Variants in EPB41L3 observed in about 807,000 individuals in gnomAD.
EPB41L3 encodes erythrocyte membrane protein band 4.1 like 3.
Under a neutral mutation model 127.1 loss-of-function variants are expected in EPB41L3, and 57 were observed. The observed-to-expected ratio is 0.45, with a 90% CI of 0.36 to 0.56. The LOEUF (loss-of-function observed/expected upper bound fraction) is 0.56. EPB41L3 is among the 20% of genes least tolerant of loss of function. EPB41L3 has a pLI of 0.00. For missense variants in EPB41L3, 1,273 were observed against 1,372.2 expected, an observed-to-expected ratio of 0.93 and a Z score of 1.14; for synonymous variants, 572 against 549.5, an observed-to-expected ratio of 1.04 and a Z score of -0.57.
At chr18:5,415,439 G>A (rs1267400984) in intron 13 of EPB41L3, among the ~76,000 whole-genome samples, 1 of 152,190 alleles carries the variant, frequency 6.6e-6, no homozygotes, top group East Asian at 1.9e-4. Flanking sequence ...CATTTAAGTT[G>A]AAAACTACTC....
chr18:5,503,447 C>G (rs2091908728), intron 1 of EPB41L3, among the ~76,000 whole-genome samples: 1 of 152,180 alleles, frequency 6.6e-6, no homozygotes, highest in African/African-American at 2.4e-5. Context: ...GTTCCACGTC[C>G]ACCAATTCAA....
chr18:5,397,710 T>C lies in EPB41L3; in HGVS notation c.2473-284A>G, dbSNP rs1037890168. ...AATTAACAAAACAAAAACCAAAGCA[T>C]TGCAGCGCATTCACGTTGGTTTTGG... On this transcript the variant is annotated intron_variant, in intron 17 of 22. Transcript: ENST00000341928. This position sits in a 1 kb window ranked among gnomAD's most constrained non-coding sequence, Gnocchi z 4.1. Among the ~76,000 whole-genome samples, 3 of 152,188 alleles carry C rather than the reference T, an allele frequency of 2.0e-5. No individual in the cohort carries two copies. The highest frequency in any genetic ancestry group is 4.4e-5 in the Non-Finnish European group (3 of 68,028).
chr18:5,460,158 G>T (rs1233002826), intron 3 of EPB41L3, among the ~76,000 whole-genome samples: 1 of 152,144 alleles, frequency 6.6e-6, no homozygotes, highest in East Asian at 1.9e-4. Context: ...GCAGCATTTG[G>T]TTTTCTGTTC....
In EPB41L3 at chr18:5,415,949, C is replaced by T; in HGVS notation, c.1936G>A (p.Ala646Thr). The T allele has an allele frequency of 6.2e-7, 1 of 1,614,022 alleles. No individual in the cohort carries two copies. Among genetic ancestry groups the T allele is most frequent in the Non-Finnish European group, 8.5e-7 (1 of 1,180,026 alleles). The change falls in exon 13 of 23, where the codon GCC becomes ACC. Residue 646 changes from alanine (A) to threonine (T), a missense_variant. This residue lies in a region of EPB41L3 where 765 missense variants were observed against 782.9 expected (regional missense o/e 0.98). Coordinates refer to ENST00000341928, the MANE Select transcript of EPB41L3 (RefSeq NM_012307.5). ...FLFIFFFLLS[A>T]SFSVPYALTL... The stretch of plus-strand genomic sequence containing the variant: ...AGAGCGTATGGCACTGAGAAGGAGG[C>T]AGACAGCAGAAAGAAAAAGATGAAG...
intron 1 of EPB41L3, among the ~76,000 whole-genome samples, chr18:5,531,987 AT>A (rs2075636474): frequency 3.9e-5 from 6 of 152,200 alleles, no homozygotes; most frequent in Admixed American, 3.9e-4. Context: ...AGTAAGAACT[AT>A]CTGTTTAGCA....
chr18:5,601,098 A>G (rs147719690), intron 3 of EPB41L3, among the ~76,000 whole-genome samples: 1 of 152,150 alleles, frequency 6.6e-6, no homozygotes, highest in African/African-American at 2.4e-5. Flanking sequence ...TTTGCTTTCC[A>G]TGATTCAGAT....
At chr18:5,603,218 A>G (rs2094608977) in intron 3 of EPB41L3, among the ~76,000 whole-genome samples, 1 of 152,240 alleles carries the variant, frequency 6.6e-6, no homozygotes. Flanking sequence ...GCATATACAT[A>G]GGAGTCATTA....
Position 5,433,753 on chromosome 18 carries a change from G to A in EPB41L3, c.824+150C>T, listed in dbSNP as rs1002282249. 3.2e-5 allele frequency: 30 copies of A among 929,790 alleles called. No individual in the cohort carries two copies. The Admixed American group carries it at 5.8e-4, about 18-fold the overall frequency. The allele number at this position is 929,790 out of a possible 1,614,324, so 57.6% of individuals were successfully genotyped here. A position where few individuals can be genotyped will look rare whatever the true frequency, so the allele number is the denominator to read the frequency against. Reference sequence around the variant, plus strand: ...ACCTGGATGCTCTGAGTGAGAGCTTGCCCATCTCAGAATTTTACTGTGCAT... The same window carrying A: ...ACCTGGATGCTCTGAGTGAGAGCTTACCCATCTCAGAATTTTACTGTGCAT... On this transcript the variant is annotated intron_variant, in intron 7 of 22. Transcript: ENST00000341928.
At chr18:5,403,093 C>T (rs1031844948) in intron 16 of EPB41L3, among the ~76,000 whole-genome samples, 5 of 152,150 alleles carry the variant, frequency 3.3e-5, no homozygotes, top group Non-Finnish European at 7.3e-5. Flanking sequence ...AGGAATATAA[C>T]TCTAACATGG....
chr18:5,610,579 T>C (rs1340329183), intron 3 of EPB41L3, among the ~76,000 whole-genome samples: 1 of 152,082 alleles, frequency 6.6e-6, no homozygotes, highest in Non-Finnish European at 1.5e-5. Flanking sequence ...AGAATGGGGA[T>C]GGGGGGACTT....
At position 5,485,649 on chromosome 18, in the gene EPB41L3, T is replaced by C. The variant is rs77420107; in HGVS notation, c.183+3352A>G. ...CTGATAGATGAATTCAGTGAAATTG[T>C]AGAATTTATCAACATACAAAAATCA... is the stretch of plus-strand genomic sequence containing the variant. On this transcript the variant is annotated intron_variant, in intron 2 of 22. Transcript: ENST00000341928. Among the ~76,000 whole-genome samples, 1,306 of 152,108 alleles carry C rather than the reference T, an allele frequency of 8.6e-3. 14 individuals carry two copies. The highest frequency in any genetic ancestry group is 0.028 in the African/African-American group (1,170 of 41,538).
rs534430113 is a variant in EPB41L3 at position 5,530,564 on chromosome 18, G to C, written c.-12+13349C>G. On this transcript the variant is annotated intron_variant, in intron 1 of 22. Transcript: ENST00000341928. Reference sequence around the variant, plus strand: ...AAGACTCATCTCTCCCACTGCCCTCGGAGCCCATCTTACTCGTCAGCCACA... The same window carrying C: ...AAGACTCATCTCTCCCACTGCCCTCCGAGCCCATCTTACTCGTCAGCCACA... 3.4e-3 allele frequency among the ~76,000 whole-genome samples: 512 copies of C among 151,982 alleles called. 2 individuals carry two copies. The highest frequency in any genetic ancestry group is 3.8e-3 in the Non-Finnish European group (258 of 67,982).
At chr18:5,508,949 C>A (rs986772190) in intron 1 of EPB41L3, among the ~76,000 whole-genome samples, 1 of 152,076 alleles carries the variant, frequency 6.6e-6, no homozygotes, top group South Asian at 2.1e-4. Context: ...CTAATCAATG[C>A]CATCTGCCTG....
At chr18:5,505,226 C>T (rs1447715508) in intron 1 of EPB41L3, among the ~76,000 whole-genome samples, 1 of 152,114 alleles carries the variant, frequency 6.6e-6, no homozygotes, top group East Asian at 1.9e-4. Flanking sequence ...CTCCCCAAAC[C>T]AGGGCATCCC....
chr18:5,436,608 C>T (rs2079869935), intron 6 of EPB41L3, among the ~76,000 whole-genome samples: 1 of 151,892 alleles, frequency 6.6e-6, no homozygotes, highest in Admixed American at 6.6e-5. Flanking sequence ...CAGGGTTTCA[C>T]CGTGTTAGCC....
chr18:5,443,803 C>A, intron 5 of EPB41L3, 35 bp downstream of exon 5: 1 of 1,593,722 alleles, frequency 6.3e-7, no homozygotes. Context: ...TGAAAACCTT[C>A]ACATTTCCAC....
intron 3 of EPB41L3, among the ~76,000 whole-genome samples, chr18:5,605,321 C>T (rs568128630): frequency 6.6e-6 from 1 of 152,158 alleles, no homozygotes; most frequent in South Asian, 2.1e-4. Flanking sequence ...GACAGCCTAC[C>T]AAATTTCAAG....
chr18:5,413,170 G>A (rs2076406909), intron 13 of EPB41L3, among the ~76,000 whole-genome samples: 1 of 152,076 alleles, frequency 6.6e-6, no homozygotes, highest in Non-Finnish European at 1.5e-5. Context: ...TTATAAATCA[G>A]TTAATTTTTC....
At chr18:5,485,219 T>A (rs548290241) in intron 2 of EPB41L3, among the ~76,000 whole-genome samples, 1 of 151,930 alleles carries the variant, frequency 6.6e-6, no homozygotes, top group South Asian at 2.1e-4. Context: ...ACATGATACA[T>A]CACATTAACA....
Sources: allele counts gnomAD v4.1 joint callset (sites outside exome capture counted in the v4.1 genomes callset), GRCh38; gene constraint gnomAD v4.1.1; regional missense constraint gnomAD v4.1.1; non-coding constraint Gnocchi (gnomAD v3.1); transcripts MANE v1.5; gene names NCBI Gene and HGNC (gene_info 2026-07-23, HGNC 2026-07-21).